Variants in ZMIZ1 observed in about 807,000 individuals in gnomAD.
ZMIZ1 encodes zinc finger MIZ domain-containing protein 1.
In ZMIZ1, 17 loss-of-function variants were observed where a neutral mutation model predicts 113.9. That is an observed-to-expected ratio of 0.15 (90% CI 0.10 to 0.22). The LOEUF (loss-of-function observed/expected upper bound fraction) is 0.22. Among genes scored for constraint, ZMIZ1 ranks in the 10% least tolerant of loss-of-function variants. The probability of loss-of-function intolerance (pLI) is 1.00; values close to 1 mark genes in which losing one functional copy is unlikely to be tolerated. For synonymous variants in ZMIZ1, 607 were observed against 603.1 expected (o/e 1.01, Z -0.09); for missense variants, 1,059 against 1,477.8 (o/e 0.72, Z 4.65).
chr10:79,173,412 C>G (rs1385453784), intron 4 of ZMIZ1, among the ~76,000 whole-genome samples: 1 of 152,126 alleles, frequency 6.6e-6, no homozygotes, highest in African/African-American at 2.4e-5. Flanking sequence ...CCTAGAGGCT[C>G]TGAGAGCAGA....
chr10:79,254,570 G>A (rs1850759603), intron 7 of ZMIZ1, among the ~76,000 whole-genome samples: 1 of 152,232 alleles, frequency 6.6e-6, no homozygotes, highest in African/African-American at 2.4e-5. Flanking sequence ...GCAAACTAAA[G>A]CTCACAAAAG....
chr10:79,312,491 C>A lies in ZMIZ1; in HGVS notation c.3097-151C>A, dbSNP rs1276802717. The A allele has an allele frequency of 1.3e-5, 10 of 767,172 alleles. No homozygotes were observed. The East Asian group carries it at 2.2e-4, about 17-fold the overall frequency. The allele number at this position is 767,172 out of a possible 1,614,324, so 47.5% of individuals were successfully genotyped here. On this transcript the variant is annotated intron_variant, in intron 24 of 24. Coordinates refer to ENST00000334512, the MANE Select transcript of ZMIZ1 (RefSeq NM_020338.4). ...GGTATGTGTGGGGATACCTGGCAGG[C>A]CCAAGCCCAAGGCTGTTCTCTACCC...
At chr10:79,116,720 A>C (rs140640299) in intron 1 of ZMIZ1, among the ~76,000 whole-genome samples, 277 of 152,322 alleles carry the variant, frequency 1.8e-3, no homozygotes, top group African/African-American at 6.4e-3. Flanking sequence ...TATCTCCTAC[A>C]TTTGTAGCTT....
chr10:79,201,751 A>T lies in ZMIZ1; in HGVS notation c.60+59A>T, dbSNP rs1021765916. Reference sequence around the variant, plus strand: ...GGCAGATGGGGCGGGCTGCAGCAGCAGGGCATCTGGTGGGTTCTGGCTGGA... The same window carrying T: ...GGCAGATGGGGCGGGCTGCAGCAGCTGGGCATCTGGTGGGTTCTGGCTGGA... On this transcript the variant is annotated intron_variant, in intron 5 of 24. Transcript: ENST00000334512. 3 of 1,592,008 alleles carry T rather than the reference A, an allele frequency of 1.9e-6. No individual in the cohort carries two copies. The African/African-American group carries it at 4.0e-5, about 21-fold the overall frequency.
rs113300085 is a variant in ZMIZ1 at position 79,129,869 on chromosome 10, G to A, written c.-226-9813G>A. Reference sequence around the variant, plus strand: ...TGCTGACAAAGGAGAAAGGTCAGCAGGGGGACAGAGCGGAGTTGGTGGTGG... The same window carrying A: ...TGCTGACAAAGGAGAAAGGTCAGCAAGGGGACAGAGCGGAGTTGGTGGTGG... On this transcript the variant is annotated intron_variant, in intron 2 of 24. Transcript: ENST00000334512. Among the ~76,000 whole-genome samples, 131 of 152,394 alleles carry A rather than the reference G, an allele frequency of 8.6e-4. No individual in the cohort carries two copies. In the South Asian group the frequency reaches 8.7e-3, roughly 10 times the overall value.
chr10:79,092,345 G>T (rs530478081), intron 1 of ZMIZ1, among the ~76,000 whole-genome samples: 2 of 152,322 alleles, frequency 1.3e-5, no homozygotes, highest in East Asian at 1.9e-4. Context: ...CCAGATTGGG[G>T]GTGACCCTAG....
chr10:79,079,506 A>T (rs117817182), intron 1 of ZMIZ1, among the ~76,000 whole-genome samples: 127 of 152,198 alleles, frequency 8.3e-4, no homozygotes, highest in Non-Finnish European at 1.6e-3. Flanking sequence ...CAGTCGTGTG[A>T]CTCTTGAAGA....
chr10:79,212,009 C>T (rs1407678777), intron 6 of ZMIZ1, among the ~76,000 whole-genome samples: 1 of 152,198 alleles, frequency 6.6e-6, no homozygotes, highest in Non-Finnish European at 1.5e-5. Context: ...TAATGGAGAC[C>T]CCTTCTCCAG....
intron 4 of ZMIZ1, among the ~76,000 whole-genome samples, chr10:79,172,730 A>T (rs1356707085): frequency 6.6e-6 from 1 of 152,184 alleles, no homozygotes; most frequent in East Asian, 1.9e-4. Flanking sequence ...GCATCTTTTG[A>T]CACAAAAGAG....
intron 4 of ZMIZ1, among the ~76,000 whole-genome samples, chr10:79,192,182 T>C (rs1847635263): frequency 6.6e-6 from 1 of 152,218 alleles, no homozygotes; most frequent in Non-Finnish European, 1.5e-5. Context: ...TAAAGTGCCA[T>C]GTGCCCAGAA....
At chr10:79,280,222 G>A (rs573365569) in intron 8 of ZMIZ1, among the ~76,000 whole-genome samples, 82 of 150,276 alleles carry the variant, frequency 5.5e-4, no homozygotes, top group African/African-American at 2.0e-3. Context: ...CAAGGAATCT[G>A]CCTGCCTCAG....
Position 79,211,795 on chromosome 10 carries a change from G to A in ZMIZ1, c.174+3346G>A, listed in dbSNP as rs561607416. Among the ~76,000 whole-genome samples, 279 of 152,312 alleles carry A rather than the reference G, an allele frequency of 1.8e-3. 1 individual carries two copies. Among genetic ancestry groups the A allele is most frequent in the African/African-American group, 6.4e-3 (265 of 41,570 alleles). ...GCAGGCCCTTCCTCCTCCAGTAGTC[G>A]GGCAGAGCAGCCCCTCTGGGCGCCC... On this transcript the variant is annotated intron_variant, in intron 6 of 24. Transcript: ENST00000334512.
At chr10:79,128,696 C>T (rs1344680230) in intron 2 of ZMIZ1, among the ~76,000 whole-genome samples, 1 of 152,168 alleles carries the variant, frequency 6.6e-6, no homozygotes, top group Non-Finnish European at 1.5e-5. Flanking sequence ...TCCCTGAAAA[C>T]AGGGTATGCT....
chr10:79,096,631 C>T (rs1472431733), intron 1 of ZMIZ1, among the ~76,000 whole-genome samples: 6 of 151,826 alleles, frequency 4.0e-5, no homozygotes, highest in East Asian at 1.9e-4. Context: ...CTTCTTGACC[C>T]GAAACGCTGC....
chr10:79,306,432 G>C, intron 22 of ZMIZ1, 88 bp downstream of exon 22: 1 of 1,542,352 alleles, frequency 6.5e-7, no homozygotes, highest in South Asian at 1.2e-5. Flanking sequence ...GATGGTGGCA[G>C]GGGTCGGGGG....
chr10:79,147,309 T>C (rs1845531468), intron 3 of ZMIZ1, among the ~76,000 whole-genome samples: 1 of 152,052 alleles, frequency 6.6e-6, no homozygotes, highest in Admixed American at 6.6e-5. Context: ...AACAGAGAAC[T>C]CTCTCAGCCC....
At position 79,142,551 on chromosome 10, in the gene ZMIZ1, C is replaced by G. The variant is rs897076012; in HGVS notation, c.-131+2774C>G. Among the ~76,000 whole-genome samples, 10 of 152,290 alleles carry G rather than the reference C, an allele frequency of 6.6e-5. No homozygotes were observed. The East Asian group carries it at 1.9e-3, about 29-fold the overall frequency. ...AGGACTCTGTATGCTGCAGTGGGAACAGCCTACACAAAGGCTCAGAGGCCT... is the reference window on the plus strand; with the variant it reads ...AGGACTCTGTATGCTGCAGTGGGAAGAGCCTACACAAAGGCTCAGAGGCCT... On this transcript the variant is annotated intron_variant, in intron 3 of 24. Coordinates refer to ENST00000334512, the MANE Select transcript of ZMIZ1 (RefSeq NM_020338.4).
intron 1 of ZMIZ1, among the ~76,000 whole-genome samples, chr10:79,100,379 G>A (rs1477932732): frequency 6.6e-6 from 1 of 151,140 alleles, no homozygotes; most frequent in Admixed American, 6.6e-5. Flanking sequence ...GTCAAGGTGG[G>A]AGAATTGCTA....
intron 3 of ZMIZ1, among the ~76,000 whole-genome samples, chr10:79,143,237 G>T (rs951256246): frequency 3.9e-5 from 6 of 152,108 alleles, no homozygotes; most frequent in African/African-American, 1.4e-4. Flanking sequence ...AGGAGCCTGA[G>T]CCTGACTTAG....
Sources: allele counts gnomAD v4.1 joint callset (sites outside exome capture counted in the v4.1 genomes callset), GRCh38; gene constraint gnomAD v4.1.1; transcripts MANE v1.5; gene names NCBI Gene and HGNC (gene_info 2026-07-23, HGNC 2026-07-21).